RNASE7: variants seen among roughly 807,000 people sequenced by gnomAD.
The protein encoded by RNASE7 is ribonuclease 7.
For missense variants in RNASE7, 184 were observed against 191.5 expected (o/e 0.96, Z 0.23); for synonymous variants, 80 against 77.5 (o/e 1.03, Z -0.17).
chr14:21,043,435 T>C lies in RNASE7; in HGVS notation c.443T>C (p.Val148Ala), dbSNP rs1420867171. 1.2e-6 allele frequency: 2 copies of C among 1,605,326 alleles called. No individual in the cohort carries two copies. The highest frequency in any genetic ancestry group is 8.5e-7 in the Non-Finnish European group (1 of 1,176,424). ...QKKDSQQFHLVPVHLDRVL is the reference protein window; with the variant it reads ...QKKDSQQFHLAPVHLDRVL ...AAGGACTCTCAGCAATTCCACCTGGTTCCTGTACACTTGGACAGAGTCCTT... is the reference window on the plus strand; with the variant it reads ...AAGGACTCTCAGCAATTCCACCTGGCTCCTGTACACTTGGACAGAGTCCTT... The change falls in exon 2 of 2, where the codon GTT (valine) becomes GCT (alanine). Residue 148 changes from valine to alanine, a missense_variant. Physicochemically the swap from Val to Ala is moderately conservative, Grantham distance 64. Transcript: ENST00000298690.
At chr14:21,042,590 G>A in intron 1 of RNASE7, 148 bp downstream of exon 1, 1 of 214,530 alleles carries the variant, frequency 4.7e-6, no homozygotes, top group Non-Finnish European at 9.3e-6. Context: ...GGAAAGGGGA[G>A]AGTGATGTTG....
At position 21,043,818 on chromosome 14, in the gene RNASE7, T is replaced by C; in HGVS notation, c.*355T>C. On this transcript the variant is annotated 3_prime_UTR_variant, in exon 2 of 2. Transcript: ENST00000298690. ...CATATGGGATTTGTGGACACAGCTG[T>C]TTCTGTTCCTGAACTAGAAGTCTTC... 1 of 220,518 alleles carries C rather than the reference T, an allele frequency of 4.5e-6. No individual in the cohort carries two copies. The highest frequency in any genetic ancestry group is 5.1e-5 in the Admixed American group (1 of 19,502). 13.7% of individuals were successfully genotyped at this position (220,518 alleles called of 1,614,324 possible).
rs959774378 is a variant in RNASE7, at chr14:21,043,365, C to A, written c.373C>A (p.Arg125=). The A allele has an allele frequency of 6.2e-7, 1 of 1,614,144 alleles. No individual in the cohort carries two copies. Among genetic ancestry groups the A allele is most frequent in the African/African-American group, 1.3e-5 (1 of 75,042 alleles). Residue 125 remains arginine (R), a synonymous_variant, in exon 2 of 2, where the codon CGA becomes AGA. Transcript: ENST00000298690. ...TCCGAACTGCAGGTACAAAGAGAAGCGACAGAACAAGTCTTACGTAGTGGC... is the reference window on the plus strand; with the variant it reads ...TCCGAACTGCAGGTACAAAGAGAAGAGACAGAACAAGTCTTACGTAGTGGC... The part of the protein sequence containing the change: ...KHPNCRYKEK[R]QNKSYVVACK...
rs182917147 is a variant in RNASE7, at chr14:21,043,212, G to A, written c.220G>A (p.Glu74Lys). Reference protein sequence around the residue: ...RCKDLNTFLHEPFSSVAATCQ... With the variant: ...RCKDLNTFLHKPFSSVAATCQ... ...CAAAGACCTCAACACCTTCCTGCAC[G>A]AGCCTTTCTCCAGTGTGGCCGCCAC... Residue 74 changes from glutamate (E) to lysine (K), a missense_variant, in exon 2 of 2, where the codon GAG becomes AAG. Transcript: ENST00000298690. 717 of 1,614,106 alleles carry A rather than the reference G, an allele frequency of 4.4e-4. 1 individual carries two copies. Among genetic ancestry groups the A allele is most frequent in the Non-Finnish European group, 6.9e-5 (82 of 1,180,024 alleles).
In RNASE7 at chr14:21,043,414, ACT is replaced by A. The variant is rs747285925; in HGVS notation, c.426_427del (p.Gln143AlafsTer24). On this transcript the variant is annotated frameshift_variant, in exon 2 of 2. Coordinates refer to ENST00000298690, the MANE Select transcript of RNASE7 (RefSeq NM_032572.4). LOFTEE classifies it low-confidence loss of function (END_TRUNC). ...GCCTGTAAGCCTCCCCAGAAAAAGGACTCTCAGCAATTCCACCTGGTTCCTGT... is the reference window on the plus strand; with the variant it reads ...GCCTGTAAGCCTCCCCAGAAAAAGGACTCAGCAATTCCACCTGGTTCCTGT... 8 of 1,610,818 alleles carry A rather than the reference ACT, an allele frequency of 5.0e-6. No individual in the cohort carries two copies. The highest frequency in any genetic ancestry group is 2.2e-5 in the East Asian group (1 of 44,870).
chr14:21,042,878 G>A, intron 1 of RNASE7, 75 bp from the exon 2 acceptor site: 1 of 851,686 alleles, frequency 1.2e-6, no homozygotes, highest in Non-Finnish European at 1.8e-6. Context: ...AGACAACCGA[G>A]TAGGGAGATG....
chr14:21,042,833 G>A, intron 1 of RNASE7, 120 bp from the exon 2 acceptor site: 1 of 634,410 alleles, frequency 1.6e-6, no homozygotes, highest in African/African-American at 1.8e-5. Context: ...ACACACAGAA[G>A]AAGAGGCAGA....
At position 21,043,508 on chromosome 14, in the gene RNASE7, C is replaced by G; in HGVS notation, c.*45C>G. 7.6e-7 allele frequency: 1 copy of G among 1,315,648 alleles called. No homozygotes were observed. 81.5% of individuals were successfully genotyped at this position (1,315,648 alleles called of 1,614,324 possible). A position where few individuals can be genotyped will look rare whatever the true frequency, so the allele number is the denominator to read the frequency against. Reference sequence around the variant, plus strand: ...CTTTGGCTGACCTTCAATTCCCTCTCCAGGACTCCGCACCACTCCCCTACA... The same window carrying G: ...CTTTGGCTGACCTTCAATTCCCTCTGCAGGACTCCGCACCACTCCCCTACA... On this transcript the variant is annotated 3_prime_UTR_variant, in exon 2 of 2. Coordinates refer to ENST00000298690, the MANE Select transcript of RNASE7 (RefSeq NM_032572.4).
In RNASE7 at chr14:21,044,055, C is replaced by G. The variant is rs940104062; in HGVS notation, c.*592C>G. The G allele has an allele frequency of 3.0e-5, 5 of 168,238 alleles. No homozygotes were observed. The highest frequency in any genetic ancestry group is 1.9e-4 in the Admixed American group (3 of 15,506). 10.4% of individuals were successfully genotyped at this position (168,238 alleles called of 1,614,324 possible). A position where few individuals can be genotyped will look rare whatever the true frequency, so the allele number is the denominator to read the frequency against. On this transcript the variant is annotated 3_prime_UTR_variant, in exon 2 of 2. Coordinates refer to ENST00000298690, the MANE Select transcript of RNASE7 (RefSeq NM_032572.4). ...TTAGTAGCAGAACCTGGACTTGAAC[C>G]TAGGTCTCCTTGCTCTAAATACAGT... is the stretch of plus-strand genomic sequence containing the variant.
Position 21,043,287 on chromosome 14 carries a change from C to T in RNASE7, c.295C>T (p.Gln99Ter). ...CAAGAATGGCGATAAAAACTGCCACCAGAGCCACGGGGCCGTGTCCCTGAC... is the reference window on the plus strand; with the variant it reads ...CAAGAATGGCGATAAAAACTGCCACTAGAGCCACGGGGCCGTGTCCCTGAC... ...ACKNGDKNCH[Q>*]SHGAVSLTMC... The change falls in exon 2 of 2, where the codon CAG (glutamine) becomes TAG (stop). Residue 99 changes from glutamine to a stop codon, truncating the protein, a stop_gained. Coordinates refer to ENST00000298690, the MANE Select transcript of RNASE7 (RefSeq NM_032572.4). LOFTEE classifies it low-confidence loss of function (END_TRUNC). The T allele has an allele frequency of 8.7e-6, 14 of 1,614,188 alleles. No individual in the cohort carries two copies. The highest frequency in any genetic ancestry group is 1.2e-5 in the Non-Finnish European group (14 of 1,180,034).
In RNASE7 at chr14:21,043,492, A is replaced by G; in HGVS notation, c.*29A>G. 1 of 1,481,102 alleles carries G rather than the reference A, an allele frequency of 6.8e-7. No homozygotes were observed. Among genetic ancestry groups the G allele is most frequent in the Non-Finnish European group, 9.2e-7 (1 of 1,088,650 alleles). The allele number at this position is 1,481,102 out of a possible 1,614,324, so 91.7% of individuals were successfully genotyped here. A position where few individuals can be genotyped will look rare whatever the true frequency, so the allele number is the denominator to read the frequency against. On this transcript the variant is annotated 3_prime_UTR_variant, in exon 2 of 2. Transcript: ENST00000298690. Reference sequence around the variant, plus strand: ...TCCAGACTGGCTTGCTCTTTGGCTGACCTTCAATTCCCTCTCCAGGACTCC... The same window carrying G: ...TCCAGACTGGCTTGCTCTTTGGCTGGCCTTCAATTCCCTCTCCAGGACTCC...
In RNASE7 at chr14:21,042,953, C is replaced by A. The variant is rs1156572817; in HGVS notation, c.-40C>A. 1.9e-6 allele frequency: 3 copies of A among 1,561,616 alleles called. No homozygotes were observed. Among genetic ancestry groups the A allele is most frequent in the Non-Finnish European group, 2.6e-6 (3 of 1,148,662 alleles). On this transcript the variant is annotated splice_region_variant and 5_prime_UTR_variant, in exon 2 of 2. Transcript: ENST00000298690. Reference sequence around the variant, plus strand: ...TCTCAACTGAACACCTCTGTCCCAGCGACCCCTGCCCTCCATCCTGACTGC... The same window carrying A: ...TCTCAACTGAACACCTCTGTCCCAGAGACCCCTGCCCTCCATCCTGACTGC...
chr14:21,043,545 C>T lies in RNASE7; in HGVS notation c.*82C>T. The T allele has an allele frequency of 1.1e-6, 1 of 942,452 alleles. No homozygotes were observed. Among genetic ancestry groups the T allele is most frequent in the Admixed American group, 2.5e-5 (1 of 40,130 alleles). The allele number at this position is 942,452 out of a possible 1,614,324, so 58.4% of individuals were successfully genotyped here. A position where few individuals can be genotyped will look rare whatever the true frequency, so the allele number is the denominator to read the frequency against. On this transcript the variant is annotated 3_prime_UTR_variant, in exon 2 of 2. Coordinates refer to ENST00000298690, the MANE Select transcript of RNASE7 (RefSeq NM_032572.4). ...ACCACTCCCCTACACCCAGAGCATTCTCTTCCCCTCATCTCTTGGGGCTGT... is the reference window on the plus strand; with the variant it reads ...ACCACTCCCCTACACCCAGAGCATTTTCTTCCCCTCATCTCTTGGGGCTGT...
Position 21,043,548 on chromosome 14 carries a change from T to G in RNASE7, c.*85T>G. Reference sequence around the variant, plus strand: ...ACTCCCCTACACCCAGAGCATTCTCTTCCCCTCATCTCTTGGGGCTGTTCC... The same window carrying G: ...ACTCCCCTACACCCAGAGCATTCTCGTCCCCTCATCTCTTGGGGCTGTTCC... On this transcript the variant is annotated 3_prime_UTR_variant, in exon 2 of 2. Coordinates refer to ENST00000298690, the MANE Select transcript of RNASE7 (RefSeq NM_032572.4). The G allele has an allele frequency of 8.2e-5, 76 of 921,412 alleles. No individual in the cohort carries two copies. Among genetic ancestry groups the G allele is most frequent in the Non-Finnish European group, 1.2e-4 (69 of 598,718 alleles). The allele number at this position is 921,412 out of a possible 1,614,324, so 57.1% of individuals were successfully genotyped here.
At position 21,043,163 on chromosome 14, in the gene RNASE7, C is replaced by T; in HGVS notation, c.171C>T (p.Asn57=). Residue 57 remains asparagine, a synonymous_variant, in exon 2 of 2, where the codon AAC becomes AAT. Transcript: ENST00000298690. ...SPQACNSAMK[N]INKHTKRCKD... ...AAGCATGCAACTCAGCCATGAAAAA[C>T]ATTAACAAGCACACAAAACGGTGCA... is the stretch of plus-strand genomic sequence containing the variant. 1 of 1,614,180 alleles carries T rather than the reference C, an allele frequency of 6.2e-7. No homozygotes were observed. The highest frequency in any genetic ancestry group is 8.5e-7 in the Non-Finnish European group (1 of 1,180,042).
rs1040121289 is a variant in RNASE7, at chr14:21,043,412, G to A, written c.420G>A (p.Lys140=). 2 of 1,611,484 alleles carry A rather than the reference G, an allele frequency of 1.2e-6. No homozygotes were observed. Among genetic ancestry groups the A allele is most frequent in the Non-Finnish European group, 1.7e-6 (2 of 1,179,140 alleles). The change falls in exon 2 of 2, where the codon AAG becomes AAA. Residue 140 remains lysine (K), a synonymous_variant. Transcript: ENST00000298690. The part of the protein sequence containing the change: ...YVVACKPPQK[K]DSQQFHLVPV... ...TGGCCTGTAAGCCTCCCCAGAAAAA[G>A]GACTCTCAGCAATTCCACCTGGTTC...
At position 21,043,304 on chromosome 14, in the gene RNASE7, G is replaced by A; in HGVS notation, c.312G>A (p.Val104=). The A allele has an allele frequency of 6.2e-7, 1 of 1,614,180 alleles. No individual in the cohort carries two copies. Among genetic ancestry groups the A allele is most frequent in the Non-Finnish European group, 8.5e-7 (1 of 1,180,034 alleles). ...ACTGCCACCAGAGCCACGGGGCCGT[G>A]TCCCTGACCATGTGTAAGCTCACCT... ...DKNCHQSHGA[V]SLTMCKLTSG... Residue 104 remains valine (V), a synonymous_variant, in exon 2 of 2, where the codon GTG becomes GTA. Transcript: ENST00000298690.
Position 21,043,295 on chromosome 14 carries a change from C to A in RNASE7, c.303C>A (p.His101Gln). 1 of 1,614,212 alleles carries A rather than the reference C, an allele frequency of 6.2e-7. No homozygotes were observed. The highest frequency in any genetic ancestry group is 8.5e-7 in the Non-Finnish European group (1 of 1,180,044). The stretch of plus-strand genomic sequence containing the variant: ...GCGATAAAAACTGCCACCAGAGCCA[C>A]GGGGCCGTGTCCCTGACCATGTGTA... Reference protein sequence around the residue: ...KNGDKNCHQSHGAVSLTMCKL... With the variant: ...KNGDKNCHQSQGAVSLTMCKL... The change falls in exon 2 of 2, where the codon CAC (histidine) becomes CAA (glutamine). Residue 101 changes from histidine (H) to glutamine (Q), a missense_variant. By Grantham distance (24) the His-to-Gln change is conservative. Coordinates refer to ENST00000298690, the MANE Select transcript of RNASE7 (RefSeq NM_032572.4).
In RNASE7 at chr14:21,043,294, A is replaced by G. The variant is rs752307714; in HGVS notation, c.302A>G (p.His101Arg). Residue 101 changes from histidine to arginine, a missense_variant, in exon 2 of 2, where the codon CAC becomes CGC. By Grantham distance (29) the His-to-Arg change is conservative. Coordinates refer to ENST00000298690, the MANE Select transcript of RNASE7 (RefSeq NM_032572.4). ...KNGDKNCHQS[H>R]GAVSLTMCKL... ...GGCGATAAAAACTGCCACCAGAGCC[A>G]CGGGGCCGTGTCCCTGACCATGTGT... is the stretch of plus-strand genomic sequence containing the variant. 6.2e-7 allele frequency: 1 copy of G among 1,614,204 alleles called. No individual in the cohort carries two copies. Among genetic ancestry groups the G allele is most frequent in the Admixed American group, 1.7e-5 (1 of 60,024 alleles).
Sources: gnomAD v4.1 joint callset for allele counts on GRCh38, gnomAD v4.1.1 for gene constraint, MANE v1.5 for transcripts, NCBI Gene and HGNC (gene_info 2026-07-23, HGNC 2026-07-21) for gene names.